The following FRMD5 variants were observed in gnomAD, a reference collection of about 807,000 sequenced individuals.
FRMD5 encodes FERM domain-containing protein 5.
In FRMD5, 20 loss-of-function variants were observed where a neutral mutation model predicts 69.0. That is an observed-to-expected ratio of 0.29 (90% CI 0.20 to 0.42). The LOEUF (loss-of-function observed/expected upper bound fraction) is 0.42. Ranked by LOEUF, FRMD5 falls within the 10% of genes least tolerant of loss-of-function variation. The pLI is 1.00. For synonymous variants in FRMD5, 271 were observed against 260.1 expected (o/e 1.04, Z -0.40); for missense variants, 595 against 708.6 (o/e 0.84, Z 1.82).
chr15:44,077,738 A>G (rs1893828943), intron 1 of FRMD5, among the ~76,000 whole-genome samples: 1 of 152,100 alleles, frequency 6.6e-6, no homozygotes, highest in Non-Finnish European at 1.5e-5. Context: ...TCCTTCAAAT[A>G]CTACCTATTA....
chr15:43,951,505 T>C (rs2090028587), intron 1 of FRMD5, among the ~76,000 whole-genome samples: 1 of 152,044 alleles, frequency 6.6e-6, no homozygotes, highest in African/African-American at 2.4e-5. Flanking sequence ...ACTAGAACTA[T>C]AATGAAAAAT....
chr15:43,906,769 T>C (rs564278601), intron 5 of FRMD5, among the ~76,000 whole-genome samples: 1 of 136,232 alleles, frequency 7.3e-6, no homozygotes, highest in African/African-American at 3.7e-5. Context: ...GCCCGGCTGA[T>C]TTTTTGTATT....
At chr15:44,092,530 T>C (rs1309125986) in intron 1 of FRMD5, among the ~76,000 whole-genome samples, 1 of 152,182 alleles carries the variant, frequency 6.6e-6, no homozygotes, top group Non-Finnish European at 1.5e-5. Flanking sequence ...TACATTCTAA[T>C]GATATACTCT....
At position 44,135,769 on chromosome 15, in the gene FRMD5, G is replaced by T. The variant is rs140887521; in HGVS notation, c.102+59184C>A. Among the ~76,000 whole-genome samples, 334 of 146,916 alleles carry T rather than the reference G, an allele frequency of 2.3e-3. 8 individuals carry two copies. In the East Asian group the frequency reaches 0.059, roughly 26 times the overall value. On this transcript the variant is annotated intron_variant, in intron 1 of 13. Transcript: ENST00000417257. ...GAATCCGGAAGGTAGAGGTTGCAGT[G>T]AGCCGAGATCGCACTACTGACTCCA...
At chr15:44,035,122 G>A (rs1891849605) in intron 1 of FRMD5, among the ~76,000 whole-genome samples, 1 of 152,066 alleles carries the variant, frequency 6.6e-6, no homozygotes, top group South Asian at 2.1e-4. Context: ...CCAGACTTCA[G>A]TCCAAACCCC....
chr15:44,046,906 C>A (rs1892451605), intron 1 of FRMD5, among the ~76,000 whole-genome samples: 1 of 152,138 alleles, frequency 6.6e-6, no homozygotes, highest in African/African-American at 2.4e-5. Flanking sequence ...CCAACTGGAA[C>A]CATTCTTAGA....
intron 1 of FRMD5, among the ~76,000 whole-genome samples, chr15:44,033,057 A>G (rs1019191815): frequency 3.9e-5 from 6 of 152,256 alleles, no homozygotes; most frequent in African/African-American, 1.4e-4. Flanking sequence ...TGTCTTTTGC[A>G]GGAACATGGA....
At chr15:43,945,182 C>T (rs1171702341) in intron 1 of FRMD5, among the ~76,000 whole-genome samples, 1 of 152,118 alleles carries the variant, frequency 6.6e-6, no homozygotes, top group African/African-American at 2.4e-5. Context: ...TTCCTTCTTC[C>T]AAGGGTAGAC....
At chr15:44,046,453 C>T (rs1295172764) in intron 1 of FRMD5, among the ~76,000 whole-genome samples, 5 of 152,200 alleles carry the variant, frequency 3.3e-5, no homozygotes, top group African/African-American at 1.2e-4. Flanking sequence ...CATACCCATA[C>T]ACATTTTCAT....
intron 13 of FRMD5, among the ~76,000 whole-genome samples, chr15:43,880,513 G>C (rs948728368): frequency 1.3e-5 from 2 of 152,170 alleles, no homozygotes; most frequent in African/African-American, 4.8e-5. Context: ...AGGCTTGGTA[G>C]CCCCTGTACT....
intron 1 of FRMD5, among the ~76,000 whole-genome samples, chr15:44,133,817 A>G (rs1198982561): frequency 6.6e-6 from 1 of 152,096 alleles, no homozygotes; most frequent in Non-Finnish European, 1.5e-5. Flanking sequence ...AACACTGGTC[A>G]TATCAGGCAT....
At chr15:43,881,476 C>A (rs180779166) in intron 13 of FRMD5, among the ~76,000 whole-genome samples, 1 of 152,156 alleles carries the variant, frequency 6.6e-6, no homozygotes, top group Non-Finnish European at 1.5e-5. Flanking sequence ...AACAATTCTA[C>A]TTGGTAGTCC....
At chr15:44,065,591 A>G (rs909383971) in intron 1 of FRMD5, among the ~76,000 whole-genome samples, 2 of 152,172 alleles carry the variant, frequency 1.3e-5, no homozygotes, top group African/African-American at 4.8e-5. Context: ...AGTTTAATAT[A>G]AAAGTTTGGG....
At chr15:43,881,351 G>C (rs2088524644) in intron 13 of FRMD5, among the ~76,000 whole-genome samples, 1 of 152,196 alleles carries the variant, frequency 6.6e-6, no homozygotes, top group African/African-American at 2.4e-5. Context: ...GGGACGGAGA[G>C]AGCCAAGGGA....
At chr15:44,066,362 T>TA (rs536218527) in intron 1 of FRMD5, among the ~76,000 whole-genome samples, 2 of 152,110 alleles carry the variant, frequency 1.3e-5, no homozygotes, top group Non-Finnish European at 1.5e-5. Flanking sequence ...GGTCAAATAG[T>TA]AAGGGCCACA....
At chr15:44,030,127 C>A (rs1891613658) in intron 1 of FRMD5, among the ~76,000 whole-genome samples, 1 of 151,934 alleles carries the variant, frequency 6.6e-6, no homozygotes, top group Non-Finnish European at 1.5e-5. Flanking sequence ...CTTCCTGGAA[C>A]AGAATTCCTG....
chr15:43,991,490 C>T (rs1186288329), intron 1 of FRMD5, among the ~76,000 whole-genome samples: 1 of 152,230 alleles, frequency 6.6e-6, no homozygotes, highest in Non-Finnish European at 1.5e-5. Context: ...TCAGACAGTA[C>T]TGCTCCAGAG....
At chr15:44,015,484 G>A (rs1337824636) in intron 1 of FRMD5, among the ~76,000 whole-genome samples, 1 of 152,030 alleles carries the variant, frequency 6.6e-6, no homozygotes, top group African/African-American at 2.4e-5. Context: ...ATAATGAGAA[G>A]AATATAAAAT....
chr15:43,967,264 G>T (rs1379822944), intron 1 of FRMD5, among the ~76,000 whole-genome samples: 1 of 150,348 alleles, frequency 6.7e-6, no homozygotes, highest in African/African-American at 2.4e-5. Flanking sequence ...ATGGAGCCTC[G>T]CTCTGTCGCC....
Sources: allele counts gnomAD v4.1 joint callset (sites outside exome capture counted in the v4.1 genomes callset), GRCh38; gene constraint gnomAD v4.1.1; transcripts MANE v1.5; gene names NCBI Gene and HGNC (gene_info 2026-07-23, HGNC 2026-07-21).